The following EPB41L4A variants were observed in gnomAD, a reference collection of about 807,000 sequenced individuals.
EPB41L4A encodes erythrocyte membrane protein band 4.1 like 4A.
In EPB41L4A, 100 loss-of-function variants were observed where a neutral mutation model predicts 108.6. That is an observed-to-expected ratio of 0.92 (90% confidence interval 0.78 to 1.09). EPB41L4A has a LOEUF of 1.09. EPB41L4A is among the 50% of genes least tolerant of loss of function. The pLI, the probability that EPB41L4A is intolerant of heterozygous loss-of-function variation, is 0.00. For missense variants in EPB41L4A, 1,030 were observed against 842.7 expected (o/e 1.22, Z -2.75); for synonymous variants, 319 against 289.0 (o/e 1.10, Z -1.05).
At chr5:112,190,043 T>C (rs1326420852) in intron 17 of EPB41L4A, among the ~76,000 whole-genome samples, 1 of 152,172 alleles carries the variant, frequency 6.6e-6, no homozygotes, top group Non-Finnish European at 1.5e-5. Flanking sequence ...CTGGCCCTTC[T>C]GATCTCAGGG....
chr5:112,336,396 T>C (rs549839625), intron 1 of EPB41L4A, among the ~76,000 whole-genome samples: 2 of 152,124 alleles, frequency 1.3e-5, no homozygotes, highest in Admixed American at 6.5e-5. Context: ...TTCCAGAGTA[T>C]GAAATAGGAG....
chr5:112,362,731 G>A (rs1758851461), intron 1 of EPB41L4A, among the ~76,000 whole-genome samples: 2 of 152,106 alleles, frequency 1.3e-5, no homozygotes, highest in African/African-American at 4.8e-5. Context: ...GTTCTCTAAA[G>A]TAATCATTAA....
At chr5:112,341,269 A>T (rs1757297324) in intron 1 of EPB41L4A, among the ~76,000 whole-genome samples, 1 of 152,188 alleles carries the variant, frequency 6.6e-6, no homozygotes, top group Admixed American at 6.5e-5. Flanking sequence ...AACTTCCAAA[A>T]ATCCCACATA....
In EPB41L4A at chr5:112,153,526, C is replaced by G. The variant is rs536448867; in HGVS notation, n.994+4875G>C. 4.9e-5 allele frequency among the ~76,000 whole-genome samples: 7 copies of G among 143,162 alleles called. No individual in the cohort carries two copies. The South Asian group carries it at 1.5e-3, about 31-fold the overall frequency. 93.9% of individuals were successfully genotyped at this position (143,162 alleles called of 152,430 possible). A position where few individuals can be genotyped will look rare whatever the true frequency, so the allele number is the denominator to read the frequency against. On this transcript the variant is annotated intron_variant and non_coding_transcript_variant, in intron 12 of 13. Transcript: ENST00000507810. ...CCAGGGCAACAGAGCAAGACTCTGT[C>G]TCAAAAAAAAAACAAAAGAAAAGAA... is the stretch of plus-strand genomic sequence containing the variant.
chr5:112,378,941 T>C (rs1759992181), intron 1 of EPB41L4A, among the ~76,000 whole-genome samples: 1 of 152,176 alleles, frequency 6.6e-6, no homozygotes, highest in African/African-American at 2.4e-5. Context: ...CATTCCACTG[T>C]GATGTGTTCT....
intron 12 of EPB41L4A, among the ~76,000 whole-genome samples, chr5:112,234,387 GA>G (rs1002072296): frequency 2.0e-5 from 3 of 148,634 alleles, no homozygotes; most frequent in South Asian, 2.1e-4. Flanking sequence ...ACTCAAAAAA[GA>G]AAAAAAAAGA....
At chr5:112,417,302 G>A (rs1200483592) in intron 1 of EPB41L4A, among the ~76,000 whole-genome samples, 1 of 152,194 alleles carries the variant, frequency 6.6e-6, no homozygotes, top group Non-Finnish European at 1.5e-5. Context: ...ACGCTCTACA[G>A]CTGATAGGCA....
intron 1 of EPB41L4A, among the ~76,000 whole-genome samples, chr5:112,349,944 G>C (rs972681944): frequency 2.6e-5 from 4 of 152,184 alleles, no homozygotes; most frequent in African/African-American, 7.2e-5. Flanking sequence ...AAAAAGTAGT[G>C]GCAAAGATCA....
chr5:112,220,025 G>C (rs970795146), intron 12 of EPB41L4A, among the ~76,000 whole-genome samples: 1 of 152,128 alleles, frequency 6.6e-6, no homozygotes, highest in Non-Finnish European at 1.5e-5. Context: ...GGTAAACAGA[G>C]GTGGTTTTAT....
chr5:112,208,765 CCTT>C (rs1477379886), intron 13 of EPB41L4A, among the ~76,000 whole-genome samples: 2 of 152,162 alleles, frequency 1.3e-5, no homozygotes, highest in Non-Finnish European at 2.9e-5. Flanking sequence ...GGATTGTACT[CCTT>C]CTGCACATTC....
At chr5:112,352,091 T>G (rs910976015) in intron 1 of EPB41L4A, among the ~76,000 whole-genome samples, 3 of 152,212 alleles carry the variant, frequency 2.0e-5, no homozygotes, top group African/African-American at 4.8e-5. Context: ...AAACACTTTC[T>G]CATTTCATTG....
At chr5:112,286,410 G>A (rs1048007735) in intron 2 of EPB41L4A, among the ~76,000 whole-genome samples, 1 of 152,078 alleles carries the variant, frequency 6.6e-6, no homozygotes, top group East Asian at 1.9e-4. Context: ...TTGGTATCAC[G>A]CAGAATCCTA....
At chr5:112,149,885 G>A (rs905142828) in intron 12 of EPB41L4A, among the ~76,000 whole-genome samples, 1 of 152,156 alleles carries the variant, frequency 6.6e-6, no homozygotes, top group African/African-American at 2.4e-5. Context: ...AGGCTTCATA[G>A]GGCCACTTGG....
rs201564952 is a variant in EPB41L4A, at chr5:112,296,217, AAATT to A, written c.204+11165_204+11168del. On this transcript the variant is annotated intron_variant, in intron 2 of 22. Transcript: ENST00000261486. ...ATCTTACATTGGCAAACTTATGTTA[AAATT>A]AATGATTTTAAAATTTTTCTAAATC... Among the ~76,000 whole-genome samples the A allele has an allele frequency of 2.8e-3, 420 of 152,316 alleles. 2 individuals are homozygous for A. The highest frequency in any genetic ancestry group is 9.1e-3 in the African/African-American group (380 of 41,570).
At chr5:112,284,453 T>G (rs564294477) in intron 2 of EPB41L4A, among the ~76,000 whole-genome samples, 110 of 152,148 alleles carry the variant, frequency 7.2e-4, no homozygotes, top group African/African-American at 2.6e-3. Context: ...CGAGGAGAAA[T>G]AGCCCTATCT....
At chr5:112,232,511 C>T (rs182575506) in intron 12 of EPB41L4A, among the ~76,000 whole-genome samples, 1 of 152,198 alleles carries the variant, frequency 6.6e-6, no homozygotes, top group Admixed American at 6.5e-5. Context: ...TATTTCCTTC[C>T]AGCCCAACAA....
chr5:112,352,669 T>C (rs1030280034), intron 1 of EPB41L4A, among the ~76,000 whole-genome samples: 1 of 152,232 alleles, frequency 6.6e-6, no homozygotes, highest in Admixed American at 6.5e-5. Flanking sequence ...CATTCCTTTC[T>C]TCCTTTCTTA....
Position 112,154,977 on chromosome 5 carries a change from G to A in EPB41L4A, n.994+3424C>T, listed in dbSNP as rs1759599903. Among the ~76,000 whole-genome samples, 3 of 152,048 alleles carry A rather than the reference G, an allele frequency of 2.0e-5. No individual in the cohort carries two copies. In the South Asian group the frequency reaches 6.2e-4, roughly 32 times the overall value. On this transcript the variant is annotated intron_variant and non_coding_transcript_variant, in intron 12 of 13. Coordinates refer to the EPB41L4A transcript ENST00000507810. ...GTGCAGGAAATGTATACTTTTCTAG[G>A]AACTTTAACTTAACAAAACTGACCA...
intron 1 of EPB41L4A, among the ~76,000 whole-genome samples, chr5:112,399,373 C>T (rs1295312866): frequency 5.9e-5 from 9 of 152,150 alleles, no homozygotes; most frequent in Admixed American, 5.9e-4. Flanking sequence ...TCCTCCCAGA[C>T]CTGTGTAATC....
Sources: gnomAD v4.1 joint callset for allele counts (sites outside exome capture counted in the v4.1 genomes callset) on GRCh38, gnomAD v4.1.1 for gene constraint, MANE v1.5 for transcripts, NCBI Gene and HGNC (gene_info 2026-07-23, HGNC 2026-07-21) for gene names.